The following CALHM5 variants were observed in gnomAD, a reference collection of about 807,000 sequenced individuals.
CALHM5 encodes calcium homeostasis modulator protein 5.
Under a neutral mutation model 20.9 loss-of-function variants are expected in CALHM5, and 17 were observed. The observed-to-expected ratio is 0.82, with a 90% CI of 0.56 to 1.22. The LOEUF (loss-of-function observed/expected upper bound fraction) is 1.22, where lower values mean the gene tolerates loss of function less well. Among genes scored for constraint, CALHM5 ranks in the 50% most tolerant of loss-of-function variants. The pLI, the probability that CALHM5 is intolerant of heterozygous loss-of-function variation, is 0.00. For missense variants in CALHM5, 360 were observed against 364.6 expected (o/e 0.99, Z 0.10); for synonymous variants, 148 against 140.0 (o/e 1.06, Z -0.40).
In CALHM5 at chr6:116,511,795, C is replaced by T. The variant is rs1208608730; in HGVS notation, c.99C>T (p.Leu33=). 5 of 1,614,076 alleles carry T rather than the reference C, an allele frequency of 3.1e-6. No individual in the cohort carries two copies. Among genetic ancestry groups the T allele is most frequent in the Non-Finnish European group, 4.2e-6 (5 of 1,180,002 alleles). Residue 33 remains leucine (L), a synonymous_variant, in exon 1 of 2, where the codon CTC becomes CTT. Coordinates refer to ENST00000368599, the MANE Select transcript of CALHM5 (RefSeq NM_153711.5). ...TGCTGACCGTGGGAAGTGAGCGTCT[C>T]TTTTCTGTTGTGGCTTTTAAGTGCC... ...MALLTVGSER[L]FSVVAFKCPC... is the part of the protein sequence containing the mutation.
intron 1 of CALHM5, among the ~76,000 whole-genome samples, chr6:116,514,142 G>C (rs536005999): frequency 6.6e-6 from 1 of 152,120 alleles, no homozygotes; most frequent in East Asian, 1.9e-4. Context: ...CCAAGCTCTA[G>C]TTTGACTCTG....
In CALHM5 at chr6:116,522,062, A is replaced by G. The variant is rs1177363599; in HGVS notation, c.*6073A>G. On this transcript the variant is annotated 3_prime_UTR_variant, in exon 2 of 2. Coordinates refer to ENST00000368599, the MANE Select transcript of CALHM5 (RefSeq NM_153711.5). ...AGAGAGAGAGATCCCAATGGCTCCAATTGTCTCAGATATTCTAGCTTAGGG... is the reference window on the plus strand; with the variant it reads ...AGAGAGAGAGATCCCAATGGCTCCAGTTGTCTCAGATATTCTAGCTTAGGG... The G allele has an allele frequency of 6.6e-6, 1 of 152,212 alleles. No homozygotes were observed. Among genetic ancestry groups the G allele is most frequent in the African/African-American group, 2.4e-5 (1 of 41,434 alleles). The allele number at this position is 152,212 out of a possible 1,614,324, so 9.4% of individuals were successfully genotyped here.
rs1205830518 is a variant in CALHM5, at chr6:116,522,358, TG to T, written c.*6373del. The T allele has an allele frequency of 1.3e-5, 2 of 152,198 alleles. No individual in the cohort carries two copies. Among genetic ancestry groups the T allele is most frequent in the African/African-American group, 4.8e-5 (2 of 41,438 alleles). 9.4% of individuals were successfully genotyped at this position (152,198 alleles called of 1,614,324 possible). A position where few individuals can be genotyped will look rare whatever the true frequency, so the allele number is the denominator to read the frequency against. On this transcript the variant is annotated 3_prime_UTR_variant, in exon 2 of 2. Coordinates refer to ENST00000368599, the MANE Select transcript of CALHM5 (RefSeq NM_153711.5). ...TTTGTGGCTTTAAGCCACTGAATTT[TG>T]GGGCAATATGAAGCGACAGAACCTG...
In CALHM5 at chr6:116,515,911, G is replaced by A. The variant is rs1167261512; in HGVS notation, c.852G>A (p.Val284=). Residue 284 remains valine, a synonymous_variant, in exon 2 of 2, where the codon GTG becomes GTA. Coordinates refer to ENST00000368599, the MANE Select transcript of CALHM5 (RefSeq NM_153711.5). ...AACACTATAGCACCCTCCACAGAGT[G>A]GTGGACAATGGTCTGCAACTTAGCC... is the stretch of plus-strand genomic sequence containing the variant. ...SQQHYSTLHR[V]VDNGLQLSPE... The A allele has an allele frequency of 6.2e-7, 1 of 1,613,690 alleles. No homozygotes were observed. The highest frequency in any genetic ancestry group is 8.5e-7 in the Non-Finnish European group (1 of 1,179,816).
In CALHM5 at chr6:116,517,093, C is replaced by G. The variant is rs1772243351; in HGVS notation, c.*1104C>G. On this transcript the variant is annotated 3_prime_UTR_variant, in exon 2 of 2. Coordinates refer to ENST00000368599, the MANE Select transcript of CALHM5 (RefSeq NM_153711.5). ...CCATGGTGGAAAGTGCAAATAAGCTCCCTTGAGCATTTTTATAAGGCACTA... is the reference window on the plus strand; with the variant it reads ...CCATGGTGGAAAGTGCAAATAAGCTGCCTTGAGCATTTTTATAAGGCACTA... 6.6e-6 allele frequency: 1 copy of G among 152,096 alleles called. No homozygotes were observed. The highest frequency in any genetic ancestry group is 1.5e-5 in the Non-Finnish European group (1 of 68,038). The allele number at this position is 152,096 out of a possible 1,614,324, so 9.4% of individuals were successfully genotyped here.
At chr6:116,514,840 G>A in intron 1 of CALHM5, among the ~76,000 whole-genome samples, 1 of 152,194 alleles carries the variant, frequency 6.6e-6, no homozygotes, top group Non-Finnish European at 1.5e-5. Flanking sequence ...TAAACTAAAT[G>A]TCAAGAGACA....
In CALHM5 at chr6:116,512,239, A is replaced by G. The variant is rs1235275021; in HGVS notation, c.540+3A>G. 5 of 1,585,938 alleles carry G rather than the reference A, an allele frequency of 3.2e-6. No individual in the cohort carries two copies. In the South Asian group the frequency reaches 5.5e-5, roughly 18 times the overall value. ...TCTCCCTTCAGGCCCAGTCTCAGGT[A>G]AGAAAAGACAAACTCGCCTTTTTCT... is the stretch of plus-strand genomic sequence containing the variant. On this transcript the variant is annotated splice_donor_region_variant and intron_variant, in intron 1 of 1. Transcript: ENST00000368599.
In CALHM5 at chr6:116,517,112, G is replaced by A. The variant is rs761082624; in HGVS notation, c.*1123G>A. 3 of 152,050 alleles carry A rather than the reference G, an allele frequency of 2.0e-5. No individual in the cohort carries two copies. Among genetic ancestry groups the A allele is most frequent in the Admixed American group, 6.6e-5 (1 of 15,246 alleles). 9.4% of individuals were successfully genotyped at this position (152,050 alleles called of 1,614,324 possible). On this transcript the variant is annotated 3_prime_UTR_variant, in exon 2 of 2. Transcript: ENST00000368599. The stretch of plus-strand genomic sequence containing the variant: ...TAAGCTCCCTTGAGCATTTTTATAA[G>A]GCACTAATCCCATTCCTGGAGGCTC...
At chr6:116,513,711 A>G (rs1772169512) in intron 1 of CALHM5, among the ~76,000 whole-genome samples, 1 of 152,222 alleles carries the variant, frequency 6.6e-6, no homozygotes, top group Non-Finnish European at 1.5e-5. Flanking sequence ...GGCAGCATAT[A>G]GTCCAGACCA....
In CALHM5 at chr6:116,521,510, G is replaced by A. The variant is rs1772341402; in HGVS notation, c.*5521G>A. 8.2e-6 allele frequency: 1 copy of A among 121,638 alleles called. No homozygotes were observed. Among genetic ancestry groups the A allele is most frequent in the African/African-American group, 2.5e-5 (1 of 39,220 alleles). The allele number at this position is 121,638 out of a possible 1,614,324, so 7.5% of individuals were successfully genotyped here. A position where few individuals can be genotyped will look rare whatever the true frequency, so the allele number is the denominator to read the frequency against. On this transcript the variant is annotated 3_prime_UTR_variant, in exon 2 of 2. Coordinates refer to ENST00000368599, the MANE Select transcript of CALHM5 (RefSeq NM_153711.5). ...AGATTGGTGACCCAACTCGAGTGGA[G>A]AGAGAGGGAGAGAGAGAGAGACAGA... is the stretch of plus-strand genomic sequence containing the variant.
At chr6:116,514,904 CAG>C (rs1473247247) in intron 1 of CALHM5, among the ~76,000 whole-genome samples, 1 of 152,098 alleles carries the variant, frequency 6.6e-6, no homozygotes, top group Admixed American at 6.5e-5. Context: ...ATTGTGAAAA[CAG>C]AGTTAGAGCC....
chr6:116,512,178 C>G lies in CALHM5; in HGVS notation c.482C>G (p.Thr161Ser). ...CTTCACAAAGTATCTTGTGGCAAAA[C>G]TAGCATGCTACCTACCGTCAATGAA... Reference protein sequence around the residue: ...EELHKVSCGKTSMLPTVNEEL... With the variant: ...EELHKVSCGKSSMLPTVNEEL... The change falls in exon 1 of 2, where the codon ACT (threonine) becomes AGT (serine). Residue 161 changes from threonine to serine, a missense_variant. Transcript: ENST00000368599. 6.2e-7 allele frequency: 1 copy of G among 1,611,002 alleles called. No homozygotes were observed. Among genetic ancestry groups the G allele is most frequent in the Non-Finnish European group, 8.5e-7 (1 of 1,179,930 alleles).
At position 116,519,237 on chromosome 6, in the gene CALHM5, CAT is replaced by C. The variant is rs1772286261; in HGVS notation, c.*3251_*3252del. 6.6e-6 allele frequency: 1 copy of C among 152,146 alleles called. No individual in the cohort carries two copies. Among genetic ancestry groups the C allele is most frequent in the African/African-American group, 2.4e-5 (1 of 41,410 alleles). 9.4% of individuals were successfully genotyped at this position (152,146 alleles called of 1,614,324 possible). A position where few individuals can be genotyped will look rare whatever the true frequency, so the allele number is the denominator to read the frequency against. ...TAAAAGGAAATCCTCTTAGGAGAAACATATTAGCAGGATAAACACAAGAAAGA... is the reference window on the plus strand; with the variant it reads ...TAAAAGGAAATCCTCTTAGGAGAAACATTAGCAGGATAAACACAAGAAAGA... On this transcript the variant is annotated 3_prime_UTR_variant, in exon 2 of 2. Transcript: ENST00000368599.
rs1772399149 is a variant in CALHM5 at position 116,524,101 on chromosome 6, T to C, written c.*8112T>C. On this transcript the variant is annotated 3_prime_UTR_variant, in exon 2 of 2. Coordinates refer to ENST00000368599, the MANE Select transcript of CALHM5 (RefSeq NM_153711.5). ...TATGTTTTTTAAAAAGTTCTTCAGTTAGAGATGTATATTTAAATATTTATG... is the reference window on the plus strand; with the variant it reads ...TATGTTTTTTAAAAAGTTCTTCAGTCAGAGATGTATATTTAAATATTTATG... 1 of 152,198 alleles carries C rather than the reference T, an allele frequency of 6.6e-6. No individual in the cohort carries two copies. Among genetic ancestry groups the C allele is most frequent in the African/African-American group, 2.4e-5 (1 of 41,456 alleles). 9.4% of individuals were successfully genotyped at this position (152,198 alleles called of 1,614,324 possible).
Position 116,520,475 on chromosome 6 carries a change from A to G in CALHM5, c.*4486A>G, listed in dbSNP as rs766989078. On this transcript the variant is annotated 3_prime_UTR_variant, in exon 2 of 2. Transcript: ENST00000368599. ...ATTTTAGATCCCAAAATCATTAAGAAAAAGCTAAGAGGTTGGCATGAGAGG... is the reference window on the plus strand; with the variant it reads ...ATTTTAGATCCCAAAATCATTAAGAGAAAGCTAAGAGGTTGGCATGAGAGG... 6.6e-6 allele frequency: 1 copy of G among 152,204 alleles called. No homozygotes were observed. Among genetic ancestry groups the G allele is most frequent in the Non-Finnish European group, 1.5e-5 (1 of 68,046 alleles). The allele number at this position is 152,204 out of a possible 1,614,324, so 9.4% of individuals were successfully genotyped here.
At position 116,515,934 on chromosome 6, in the gene CALHM5, G is replaced by T. The variant is rs759613076; in HGVS notation, c.875G>T (p.Ser292Ile). ...GTGGTGGACAATGGTCTGCAACTTA[G>T]CCCTGAGGATGATGAGACGACAATG... is the stretch of plus-strand genomic sequence containing the variant. ...HRVVDNGLQL[S>I]PEDDETTMVL... The change falls in exon 2 of 2, where the codon AGC becomes ATC. Residue 292 changes from serine to isoleucine, a missense_variant. Transcript: ENST00000368599. 5 of 1,613,090 alleles carry T rather than the reference G, an allele frequency of 3.1e-6. No homozygotes were observed. The South Asian group carries it at 5.5e-5, about 18-fold the overall frequency.
rs34972589 is a variant in CALHM5, at chr6:116,512,096, A to C, written c.400A>C (p.Ser134Arg). 1,114 of 1,614,072 alleles carry C rather than the reference A, an allele frequency of 6.9e-4. 5 individuals carry two copies. The African/African-American group carries it at 0.013, about 19-fold the overall frequency. ...FYECAMSGTR[S>R]SGLLELICKG... ...TGAATGTGCCATGAGCGGGACGAGA[A>C]GTTCAGGACTCCTGGAACTGATTTG... Residue 134 changes from serine to arginine, a missense_variant, in exon 1 of 2, where the codon AGT becomes CGT. Transcript: ENST00000368599.
At position 116,512,233 on chromosome 6, in the gene CALHM5, T is replaced by C. The variant is rs780633603; in HGVS notation, c.537T>C (p.Ser179=). 6.3e-7 allele frequency: 1 copy of C among 1,592,830 alleles called. No homozygotes were observed. Among genetic ancestry groups the C allele is most frequent in the Non-Finnish European group, 8.5e-7 (1 of 1,173,530 alleles). Residue 179 remains serine, a synonymous_variant, in exon 1 of 2, where the codon TCT becomes TCC. Transcript: ENST00000368599. ...TGAAACTCTCCCTTCAGGCCCAGTC[T>C]CAGGTAAGAAAAGACAAACTCGCCT... ...EELKLSLQAQ[S]QILGWCLICS...
rs57050552 is a variant in CALHM5, at chr6:116,516,660, AAT to A, written c.*719_*720del. On this transcript the variant is annotated 3_prime_UTR_variant, in exon 2 of 2. Transcript: ENST00000368599. The stretch of plus-strand genomic sequence containing the variant: ...TCCTACATTCAAAATAGTAGTAACA[AAT>A]ATATATATATATATATATATATATA... The A allele has an allele frequency of 0.06, 6,101 of 101,282 alleles. 223 individuals carry two copies. Among genetic ancestry groups the A allele is most frequent in the South Asian group, 0.076 (193 of 2,548 alleles). 6.3% of individuals were successfully genotyped at this position (101,282 alleles called of 1,614,324 possible).
Sources: allele counts gnomAD v4.1 joint callset (sites outside exome capture counted in the v4.1 genomes callset), GRCh38; gene constraint gnomAD v4.1.1; transcripts MANE v1.5; gene names NCBI Gene and HGNC (gene_info 2026-07-23, HGNC 2026-07-21).